Variants in ARG2 observed in about 807,000 individuals in gnomAD.
The protein encoded by ARG2 is arginase 2, also known as arginase-2, mitochondrial.
A neutral mutation model predicts 39.4 loss-of-function variants in ARG2; 21 were observed. The observed-to-expected ratio is 0.53, with a 90% confidence interval of 0.38 to 0.77. The LOEUF (loss-of-function observed/expected upper bound fraction) is 0.77, where lower values mean the gene tolerates loss of function less well. Ranked by LOEUF, ARG2 falls within the 30% of genes least tolerant of loss-of-function variation. ARG2 has a pLI of 0.00. For missense variants in ARG2, 378 were observed against 426.2 expected, an observed-to-expected ratio of 0.89 and a Z score of 1.00; for synonymous variants, 150 against 156.7, an observed-to-expected ratio of 0.96 and a Z score of 0.32.
Position 67,651,502 on chromosome 14 carries a change from G to C in ARG2, c.*582G>C, listed in dbSNP as rs573692573. 1 of 1,612,172 alleles carries C rather than the reference G, an allele frequency of 6.2e-7. No individual in the cohort carries two copies. Among genetic ancestry groups the C allele is most frequent in the Non-Finnish European group, 8.5e-7 (1 of 1,178,852 alleles). On this transcript the variant is annotated 3_prime_UTR_variant, in exon 8 of 8. Transcript: ENST00000261783. ...TCACTCTACAAAGAGAAGCAAAGTG[G>C]GGAGTAGTCAGAAGTTTGGATAACC...
At chr14:67,642,507 T>C in intron 3 of ARG2, 144 bp downstream of exon 3, 6 of 983,484 alleles carry the variant, frequency 6.1e-6, no homozygotes, top group Non-Finnish European at 8.9e-6. Flanking sequence ...AGCAAGCATT[T>C]AAATGTCTAA....
chr14:67,626,128 C>T (rs2036863924), intron 2 of ARG2, among the ~76,000 whole-genome samples: 1 of 152,050 alleles, frequency 6.6e-6, no homozygotes, highest in Non-Finnish European at 1.5e-5. Flanking sequence ...GTGGCACACT[C>T]CTGTAGTCCC....
chr14:67,620,280 G>A (rs2036794980), intron 1 of ARG2, among the ~76,000 whole-genome samples, 192 bp downstream of exon 1: 2 of 151,980 alleles, frequency 1.3e-5, no homozygotes, highest in Non-Finnish European at 2.9e-5. Context: ...GAATGGAGAG[G>A]GAGGGAGGGA....
Position 67,642,349 on chromosome 14 carries a change from GGGA to G in ARG2, c.353_355del (p.Gly118del). ...CAGATGGCTACAGCTGTGTCACACT[GGGA>G]GGAGACCACAGGTAAGCTGGGAGCC... On this transcript the variant is annotated inframe_deletion, in exon 3 of 8. Transcript: ENST00000261783. 3 of 1,613,836 alleles carry G rather than the reference GGGA, an allele frequency of 1.9e-6. No individual in the cohort carries two copies. Among genetic ancestry groups the G allele is most frequent in the South Asian group, 1.1e-5 (1 of 91,058 alleles).
chr14:67,621,774 C>G (rs776818250), intron 2 of ARG2, among the ~76,000 whole-genome samples: 9 of 151,498 alleles, frequency 5.9e-5, no homozygotes, highest in Non-Finnish European at 1.0e-4. Flanking sequence ...TAAGGGAGAA[C>G]CCTTCTCTTA....
chr14:67,645,519 C>T, intron 3 of ARG2, 124 bp from the exon 4 acceptor site: 1 of 1,085,842 alleles, frequency 9.2e-7, no homozygotes, highest in South Asian at 1.8e-5. Flanking sequence ...CACCCAAACC[C>T]AGTCTCCATC....
chr14:67,620,116 G>C, intron 1 of ARG2, 28 bp downstream of exon 1: 3 of 1,518,812 alleles, frequency 2.0e-6, no homozygotes, highest in Non-Finnish European at 2.7e-6. Flanking sequence ...GAACCGCCGG[G>C]CAGGATCCTC....
chr14:67,650,014 A>G (rs979361885), intron 7 of ARG2: 1 of 152,314 alleles, frequency 6.6e-6, no homozygotes, highest in Admixed American at 6.5e-5. Context: ...GAACTTTGAC[A>G]CAAGTTCTCA....
intron 3 of ARG2, among the ~76,000 whole-genome samples, chr14:67,644,138 A>G (rs2037067335): frequency 6.6e-6 from 1 of 152,202 alleles, no homozygotes; most frequent in Non-Finnish European, 1.5e-5. Flanking sequence ...TTACCAGCTC[A>G]ATGTTAAAGC....
intron 2 of ARG2, among the ~76,000 whole-genome samples, chr14:67,624,816 TG>T (rs2036846020): frequency 6.6e-6 from 1 of 152,198 alleles, no homozygotes; most frequent in South Asian, 2.1e-4. Context: ...TGCAGCAATC[TG>T]GGGAGCATTT....
chr14:67,651,281 G>T lies in ARG2; in HGVS notation c.*361G>T. On this transcript the variant is annotated 3_prime_UTR_variant, in exon 8 of 8. Coordinates refer to ENST00000261783, the MANE Select transcript of ARG2 (RefSeq NM_001172.4). ...CAGCCTGGCTATACAGTGCATCCTT[G>T]AACTGTCAGCCCACAGCAGCAATAT... 6.3e-7 allele frequency: 1 copy of T among 1,596,068 alleles called. No individual in the cohort carries two copies. The highest frequency in any genetic ancestry group is 8.5e-7 in the Non-Finnish European group (1 of 1,171,568).
chr14:67,650,831 A>G lies in ARG2; in HGVS notation c.976A>G (p.Thr326Ala). 5.0e-6 allele frequency: 8 copies of G among 1,614,212 alleles called. No individual in the cohort carries two copies. The highest frequency in any genetic ancestry group is 6.8e-6 in the Non-Finnish European group (8 of 1,180,038). The change falls in exon 8 of 8, where the codon ACA becomes GCA. Residue 326 changes from threonine to alanine, a missense_variant. Thr to Ala is a moderately conservative substitution (Grantham distance 58, BLOSUM62 0). Transcript: ENST00000261783. ...TGTGATTGCTTCAAGCTTTGGTCAG[A>G]CAAGAGAAGGAGGGCATATTGTCTA... ...VDVIASSFGQTREGGHIVYDQ... is the reference protein window; with the variant it reads ...VDVIASSFGQAREGGHIVYDQ...
intron 2 of ARG2, among the ~76,000 whole-genome samples, chr14:67,632,808 A>ATTT (rs55642854): frequency 0.042 from 2,650 of 62,494 alleles, 364 homozygotes; most frequent in Non-Finnish European, 0.057. Flanking sequence ...AAGCCTCTTA[A>ATTT]TTTTTTTTTT....
Position 67,648,069 on chromosome 14 carries a change from A to G in ARG2, c.745A>G (p.Ser249Gly). 6 of 1,613,184 alleles carry G rather than the reference A, an allele frequency of 3.7e-6. No individual in the cohort carries two copies. The highest frequency in any genetic ancestry group is 3.4e-6 in the Non-Finnish European group (4 of 1,179,444). Reference sequence around the variant, plus strand: ...TAGGAGACAAAGACCAATCCATTTGAGTTTTGATATTGATGCATTTGACCC... The same window carrying G: ...TAGGAGACAAAGACCAATCCATTTGGGTTTTGATATTGATGCATTTGACCC... ...IGKRQRPIHL[S>G]FDIDAFDPTL... is the part of the protein sequence containing the mutation. The change falls in exon 7 of 8, where the codon AGT (serine) becomes GGT (glycine). Residue 249 changes from serine (S) to glycine (G), a missense_variant. Transcript: ENST00000261783.
intron 2 of ARG2, among the ~76,000 whole-genome samples, chr14:67,639,937 A>G (rs1002716680): frequency 6.6e-6 from 1 of 151,014 alleles, no homozygotes; most frequent in Non-Finnish European, 1.5e-5. Flanking sequence ...AAAAAAAAAA[A>G]AAAAAAAAAA....
chr14:67,642,284 G>A lies in ARG2; in HGVS notation c.283G>A (p.Ala95Thr). 1 of 1,614,090 alleles carries A rather than the reference G, an allele frequency of 6.2e-7. No individual in the cohort carries two copies. Among genetic ancestry groups the A allele is most frequent in the South Asian group, 1.1e-5 (1 of 91,080 alleles). Residue 95 changes from alanine to threonine, a missense_variant, in exon 3 of 8, where the codon GCC becomes ACC. Ala to Thr is a moderately conservative substitution (Grantham distance 58, BLOSUM62 0). Transcript: ENST00000261783. ...AGTGAATCCACGCTCAGTGGGTCTT[G>A]CCAACCAGGAACTGGCTGAGGTGGT... ...LIVNPRSVGL[A>T]NQELAEVVSR...
rs867654375 is a variant in ARG2 at position 67,647,140 on chromosome 14, T to C, written c.722+115T>C. 2.5e-5 allele frequency: 18 copies of C among 709,486 alleles called. No homozygotes were observed. In the Middle Eastern group the frequency reaches 2.9e-3, roughly 115 times the overall value. 43.9% of individuals were successfully genotyped at this position (709,486 alleles called of 1,614,324 possible). Reference sequence around the variant, plus strand: ...ATACAAAGCAAAAACATACACATAATTTTAAATAGTTCAGAAAGGCAAAAT... The same window carrying C: ...ATACAAAGCAAAAACATACACATAACTTTAAATAGTTCAGAAAGGCAAAAT... On this transcript the variant is annotated intron_variant, in intron 6 of 7. Transcript: ENST00000261783.
At chr14:67,647,421 A>G (rs1335386840) in intron 6 of ARG2, 1 of 164,674 alleles carries the variant, frequency 6.1e-6, no homozygotes, top group Non-Finnish European at 1.3e-5. Context: ...TAATTTTAAG[A>G]GCATTTTCCC....
At chr14:67,645,431 G>GC (rs1323435546) in intron 3 of ARG2, among the ~76,000 whole-genome samples, 5 of 152,164 alleles carry the variant, frequency 3.3e-5, no homozygotes, top group Admixed American at 3.3e-4. Flanking sequence ...CTGCAGGGTA[G>GC]CAAGTCACCA....
Sources: gnomAD v4.1 joint callset for allele counts (sites outside exome capture counted in the v4.1 genomes callset) on GRCh38, gnomAD v4.1.1 for gene constraint, MANE v1.5 for transcripts, NCBI Gene and HGNC (gene_info 2026-07-23, HGNC 2026-07-21) for gene names.